CEP350: variants seen among roughly 807,000 people sequenced by gnomAD.
The protein encoded by CEP350 is centrosome-associated protein 350.
A neutral mutation model predicts 331.8 loss-of-function variants in CEP350; 126 were observed. That is an observed-to-expected ratio of 0.38 (90% CI 0.33 to 0.44). The LOEUF (loss-of-function observed/expected upper bound fraction) is 0.44. CEP350 is among the 20% of genes least tolerant of loss of function. CEP350 has a pLI of 1.00. For synonymous variants in CEP350, 1,200 were observed against 1,259.5 expected (o/e 0.95, Z 1.00); for missense variants, 3,406 against 3,634.6 (o/e 0.94, Z 1.62).
chr1:180,040,387 G>T (rs533772592), intron 17 of CEP350, among the ~76,000 whole-genome samples: 2 of 151,922 alleles, frequency 1.3e-5, no homozygotes, highest in Admixed American at 6.6e-5. Flanking sequence ...CCAGATTTGG[G>T]CAGAGCATTA....
chr1:180,048,959 G>T (rs571754331), intron 22 of CEP350, among the ~76,000 whole-genome samples: 1 of 152,078 alleles, frequency 6.6e-6, no homozygotes, highest in Non-Finnish European at 1.5e-5. Flanking sequence ...GTCCTAGTAC[G>T]TGGGAGGCTA....
chr1:179,958,906 A>G (rs1650372579), intron 1 of CEP350, among the ~76,000 whole-genome samples: 1 of 152,232 alleles, frequency 6.6e-6, no homozygotes, highest in Non-Finnish European at 1.5e-5. Flanking sequence ...TGTGAATAGA[A>G]AAAGGTCTAT....
chr1:180,069,121 A>G (rs532639826), intron 27 of CEP350, among the ~76,000 whole-genome samples: 35 of 152,306 alleles, frequency 2.3e-4, no homozygotes, highest in African/African-American at 8.4e-4. Context: ...GTATTTAGCT[A>G]TTTTTTGGTT....
intron 1 of CEP350, among the ~76,000 whole-genome samples, chr1:179,957,107 A>C (rs965562931): frequency 2.6e-5 from 4 of 152,124 alleles, no homozygotes; most frequent in Non-Finnish European, 4.4e-5. Flanking sequence ...TGCTTGAACA[A>C]GATTATTAAA....
intron 22 of CEP350, among the ~76,000 whole-genome samples, chr1:180,049,304 T>C (rs1383653749): frequency 1.3e-5 from 2 of 152,228 alleles, no homozygotes. Context: ...ATATGTGACT[T>C]GTTTGTGCCA....
At chr1:180,028,513 G>A (rs1488291026) in intron 14 of CEP350, among the ~76,000 whole-genome samples, 2 of 152,060 alleles carry the variant, frequency 1.3e-5, no homozygotes, top group Non-Finnish European at 2.9e-5. Flanking sequence ...ATATAGGTTG[G>A]GCATGGTAGC....
At position 180,006,492 on chromosome 1, in the gene CEP350, A is replaced by C; in HGVS notation, c.1171A>C (p.Lys391Gln). 3.9e-6 allele frequency: 6 copies of C among 1,549,452 alleles called. No individual in the cohort carries two copies. The highest frequency in any genetic ancestry group is 5.2e-6 in the Non-Finnish European group (6 of 1,143,606). The change falls in exon 8 of 38, where the codon AAA becomes CAA. Residue 391 changes from lysine to glutamine, a missense_variant. Lys to Gln is a moderately conservative substitution (Grantham distance 53). Coordinates refer to ENST00000367607, the MANE Select transcript of CEP350 (RefSeq NM_014810.5). ...SIKEKPAEKSKEKKVVKPVRK... is the reference protein window; with the variant it reads ...SIKEKPAEKSQEKKVVKPVRK... ...AAAGGAGAAACCTGCTGAAAAAAGT[A>C]AAGAGAAGAAAGTAGTCAAGCCAGT...
Position 179,991,717 on chromosome 1 carries a change from A to G in CEP350, c.236-345A>G, listed in dbSNP as rs971182687. On this transcript the variant is annotated intron_variant, in intron 4 of 37. Coordinates refer to ENST00000367607, the MANE Select transcript of CEP350 (RefSeq NM_014810.5). ...TGTGTGTGTGTGTGTGTATATATATATATATATACATTTTTTTTTAACCTG... is the reference window on the plus strand; with the variant it reads ...TGTGTGTGTGTGTGTGTATATATATGTATATATACATTTTTTTTTAACCTG... 2.6e-3 allele frequency among the ~76,000 whole-genome samples: 349 copies of G among 136,622 alleles called. 4 individuals carry two copies. Among genetic ancestry groups the G allele is most frequent in the African/African-American group, 8.7e-3 (326 of 37,616 alleles). The allele number at this position is 136,622 out of a possible 152,430, so 89.6% of individuals were successfully genotyped here.
intron 31 of CEP350, 33 bp downstream of exon 31, chr1:180,084,211 A>T: frequency 1.3e-6 from 2 of 1,536,258 alleles, no homozygotes; most frequent in Non-Finnish European, 8.7e-7. Context: ...TTTAGTATCA[A>T]GGCTAATGTG....
intron 9 of CEP350, 117 bp downstream of exon 9, chr1:180,012,192 T>A: frequency 1.0e-6 from 1 of 995,364 alleles, no homozygotes; most frequent in Non-Finnish European, 1.5e-6. Flanking sequence ...ATTTTGAATG[T>A]AGCTCAAAAA....
At chr1:180,058,834 C>G (rs1281973802) in intron 25 of CEP350, among the ~76,000 whole-genome samples, 1 of 152,066 alleles carries the variant, frequency 6.6e-6, no homozygotes, top group Non-Finnish European at 1.5e-5. Flanking sequence ...ATATTTCTTG[C>G]AACTGTAGCA....
rs1425395813 is a variant in CEP350, at chr1:180,098,643, T to G, written c.9067-220T>G. ...ACAGACGTGAGTCACCGTGCCCAGC[T>G]AGGTTTTACTTTTATATGTTGCGTA... On this transcript the variant is annotated intron_variant, in intron 36 of 37. Coordinates refer to ENST00000367607, the MANE Select transcript of CEP350 (RefSeq NM_014810.5). Among the ~76,000 whole-genome samples, 6 of 152,212 alleles carry G rather than the reference T, an allele frequency of 3.9e-5. No individual in the cohort carries two copies. In the East Asian group the frequency reaches 1.2e-3, roughly 29 times the overall value.
intron 7 of CEP350, 80 bp downstream of exon 7, chr1:180,003,367 C>A: frequency 2.1e-6 from 2 of 934,132 alleles, no homozygotes; most frequent in South Asian, 1.7e-5. Context: ...ATAAAATTGT[C>A]ACCAAACTAA....
chr1:179,996,930 C>A lies in CEP350; in HGVS notation c.773C>A (p.Ser258Tyr), dbSNP rs139246281. The part of the protein sequence containing the change: ...DPKALRLTDS[S>Y]PSSTSTSNSQ... ...AAAGCGTTACGACTAACTGACTCTT[C>A]TCCATCCTCTACTAGTACTTCTAAT... The change falls in exon 6 of 38, where the codon TCT (serine) becomes TAT (tyrosine). Residue 258 changes from serine (S) to tyrosine (Y), a missense_variant. Coordinates refer to ENST00000367607, the MANE Select transcript of CEP350 (RefSeq NM_014810.5). 12 of 1,613,936 alleles carry A rather than the reference C, an allele frequency of 7.4e-6. No individual in the cohort carries two copies. The highest frequency in any genetic ancestry group is 1.0e-5 in the Non-Finnish European group (12 of 1,179,904).
intron 1 of CEP350, among the ~76,000 whole-genome samples, chr1:179,983,483 C>T (rs1351733329): frequency 6.6e-6 from 1 of 152,166 alleles, no homozygotes; most frequent in Non-Finnish European, 1.5e-5. Flanking sequence ...GATCCACCTG[C>T]CTCAGCCTCC....
At chr1:180,110,770 G>T (rs898084640) in intron 37 of CEP350, among the ~76,000 whole-genome samples, 1 of 152,050 alleles carries the variant, frequency 6.6e-6, no homozygotes, top group South Asian at 2.1e-4. Flanking sequence ...TGAAATACTT[G>T]AATATTGTCA....
intron 22 of CEP350, among the ~76,000 whole-genome samples, 171 bp downstream of exon 22, chr1:180,048,876 C>A (rs535087392): frequency 2.6e-5 from 4 of 152,008 alleles, no homozygotes; most frequent in Admixed American, 6.6e-5. Flanking sequence ...TGAAACCAGC[C>A]AGGGAAACAT....
chr1:180,046,410 T>C (rs1181776383), intron 21 of CEP350, among the ~76,000 whole-genome samples: 1 of 152,232 alleles, frequency 6.6e-6, no homozygotes, highest in African/African-American at 2.4e-5. Flanking sequence ...GTAGCATGTA[T>C]CACTACTTTG....
chr1:179,987,487 A>G (rs2477110), intron 3 of CEP350, among the ~76,000 whole-genome samples: 83,207 of 147,186 alleles, frequency 0.57, 25,333 homozygotes, highest in East Asian at 0.71. Flanking sequence ...ATATACTTAT[A>G]TACATAGTAT....
Sources: allele counts gnomAD v4.1 joint callset (sites outside exome capture counted in the v4.1 genomes callset), GRCh38; gene constraint gnomAD v4.1.1; transcripts MANE v1.5; gene names NCBI Gene and HGNC (gene_info 2026-07-23, HGNC 2026-07-21).